PTPRQ: variants seen among roughly 807,000 people sequenced by gnomAD.
The protein encoded by PTPRQ is phosphatidylinositol phosphatase PTPRQ.
Under a neutral mutation model 246.0 loss-of-function variants are expected in PTPRQ, and 199 were observed. The observed-to-expected ratio is 0.81, with a 90% confidence interval of 0.72 to 0.91. The LOEUF is 0.91. Among genes scored for constraint, PTPRQ ranks in the 40% least tolerant of loss-of-function variants. The probability of loss-of-function intolerance (pLI) is 0.00; values close to 1 mark genes in which losing one functional copy is unlikely to be tolerated. For synonymous variants in PTPRQ, 869 were observed against 853.2 expected, an observed-to-expected ratio of 1.02 and a Z score of -0.32; for missense variants, 2,624 against 2,528.4, an observed-to-expected ratio of 1.04 and a Z score of -0.81.
intron 25 of PTPRQ, among the ~76,000 whole-genome samples, chr12:80,568,409 A>C (rs1897041559): frequency 6.6e-6 from 1 of 152,172 alleles, no homozygotes; most frequent in African/African-American, 2.4e-5. Flanking sequence ...AATATTGTCA[A>C]ATATCAGCAA....
In PTPRQ at chr12:80,669,473, A is replaced by G. The variant is rs1365946684; in HGVS notation, c.6453+9A>G. On this transcript the variant is annotated intron_variant, in intron 41 of 44. Coordinates refer to ENST00000644991, the MANE Select transcript of PTPRQ (RefSeq NM_001145026.2). The stretch of plus-strand genomic sequence containing the variant: ...ATCTGAAAATTGAAAGGGTAAAAAA[A>G]AAAGGGGGGGACGAGAGAACATGAT... 16 of 1,537,564 alleles carry G rather than the reference A, an allele frequency of 1.0e-5. No homozygotes were observed. Among genetic ancestry groups the G allele is most frequent in the Admixed American group, 4.2e-5 (2 of 47,948 alleles).
chr12:80,541,485 T>C, intron 20 of PTPRQ, 70 bp from the exon 21 acceptor site: 1 of 1,261,742 alleles, frequency 7.9e-7, no homozygotes, highest in Non-Finnish European at 1.0e-6. Flanking sequence ...ACAATTATAC[T>C]CAGTTTGTGA....
At chr12:80,597,564 A>G (rs576073945) in intron 26 of PTPRQ, among the ~76,000 whole-genome samples, 15 of 152,082 alleles carry the variant, frequency 9.9e-5, no homozygotes, top group African/African-American at 3.6e-4. Flanking sequence ...CTTTACATCT[A>G]CTTCCCTAGT....
Position 80,542,380 on chromosome 12 carries a change from CATTTCTTCAAACA to C in PTPRQ, c.3721+22_3721+34del. 1 of 1,518,562 alleles carries C rather than the reference CATTTCTTCAAACA, an allele frequency of 6.6e-7. No individual in the cohort carries two copies. Among genetic ancestry groups the C allele is most frequent in the Non-Finnish European group, 8.8e-7 (1 of 1,139,136 alleles). 94.1% of individuals were successfully genotyped at this position (1,518,562 alleles called of 1,614,324 possible). On this transcript the variant is annotated intron_variant, in intron 22 of 44. Coordinates refer to ENST00000644991, the MANE Select transcript of PTPRQ (RefSeq NM_001145026.2). ...GATGAGTCAGGTAAGCCAGAATCCA[CATTTCTTCAAACA>C]ATTTCACTGTTGCAGCGCCTGCTCT...
chr12:80,622,029 A>C, intron 32 of PTPRQ, 32 bp from the exon 33 acceptor site: 1 of 1,265,256 alleles, frequency 7.9e-7, no homozygotes, highest in Non-Finnish European at 1.1e-6. Flanking sequence ...CATGATATGC[A>C]AAGTGTTGAT....
chr12:80,655,357 A>T (rs1393232584), intron 38 of PTPRQ, among the ~76,000 whole-genome samples: 1 of 152,200 alleles, frequency 6.6e-6, no homozygotes, highest in Non-Finnish European at 1.5e-5. Context: ...GTATTGGAAC[A>T]CAGGAAACAT....
In PTPRQ at chr12:80,619,302, A is replaced by G. The variant is rs1898885218; in HGVS notation, c.5231-82A>G. The stretch of plus-strand genomic sequence containing the variant: ...TTGTCATCACTTTATCTGTAAATTA[A>G]CTGCATGAAAGGAGAAAGATTTTTT... On this transcript the variant is annotated intron_variant, in intron 30 of 44. Transcript: ENST00000644991. 2.1e-6 allele frequency: 3 copies of G among 1,433,134 alleles called. No individual in the cohort carries two copies. The Admixed American group carries it at 6.8e-5, about 32-fold the overall frequency. The allele number at this position is 1,433,134 out of a possible 1,614,324, so 88.8% of individuals were successfully genotyped here.
intron 6 of PTPRQ, among the ~76,000 whole-genome samples, chr12:80,463,587 G>A (rs6539516): frequency 0.096 from 14,631 of 151,908 alleles, 1,499 homozygotes; most frequent in African/African-American, 0.25. Context: ...AAGTTGAAAT[G>A]AAGGAAAAAA....
At chr12:80,499,064 A>C (rs1198085976) in intron 14 of PTPRQ, among the ~76,000 whole-genome samples, 1 of 151,998 alleles carries the variant, frequency 6.6e-6, no homozygotes, top group Non-Finnish European at 1.5e-5. Context: ...TTAGGTGAGA[A>C]GACCTAGGAC....
At chr12:80,462,169 C>G (rs1278530978) in intron 6 of PTPRQ, 1 of 190,816 alleles carries the variant, frequency 5.2e-6, no homozygotes, top group East Asian at 9.7e-5. Flanking sequence ...CCGAATACTG[C>G]GCTTTTCCGA....
chr12:80,470,191 G>A (rs1232864807), intron 7 of PTPRQ, among the ~76,000 whole-genome samples: 2 of 152,190 alleles, frequency 1.3e-5, no homozygotes, highest in Non-Finnish European at 2.9e-5. Flanking sequence ...TGTCTGTGTG[G>A]GCAGAAGGTG....
In PTPRQ at chr12:80,619,279, G is replaced by A. The variant is rs1032241259; in HGVS notation, c.5231-105G>A. On this transcript the variant is annotated intron_variant, in intron 30 of 44. Transcript: ENST00000644991. ...TCTCTATAATTTGTTATTTATGTTT[G>A]TCATCACTTTATCTGTAAATTAACT... 4.6e-5 allele frequency: 59 copies of A among 1,282,586 alleles called. No individual in the cohort carries two copies. In the Middle Eastern group the frequency reaches 5.8e-4, roughly 13 times the overall value. The allele number at this position is 1,282,586 out of a possible 1,614,324, so 79.5% of individuals were successfully genotyped here.
At chr12:80,602,445 G>T (rs1375983473) in intron 26 of PTPRQ, among the ~76,000 whole-genome samples, 1 of 151,716 alleles carries the variant, frequency 6.6e-6, no homozygotes, top group Non-Finnish European at 1.5e-5. Context: ...TGTAAGAATA[G>T]ACATTTGTTT....
At position 80,534,005 on chromosome 12, in the gene PTPRQ, T is replaced by C; in HGVS notation, c.2679-10T>C. 3 of 1,458,918 alleles carry C rather than the reference T, an allele frequency of 2.1e-6. No individual in the cohort carries two copies. The South Asian group carries it at 4.5e-5, about 22-fold the overall frequency. The allele number at this position is 1,458,918 out of a possible 1,614,324, so 90.4% of individuals were successfully genotyped here. On this transcript the variant is annotated splice_polypyrimidine_tract_variant and intron_variant, in intron 17 of 44. Transcript: ENST00000644991. ...ATTCAATTCTACAGATAATATTCTT[T>C]TTATCTCAGGAATAGATCATCATTA...
At chr12:80,651,490 C>A (rs370509921) in intron 37 of PTPRQ, among the ~76,000 whole-genome samples, 3 of 151,954 alleles carry the variant, frequency 2.0e-5, no homozygotes, top group Non-Finnish European at 4.4e-5. Context: ...AATGCAAAAA[C>A]GGTCTAACTC....
chr12:80,650,612 A>G (rs1184128107), intron 37 of PTPRQ, among the ~76,000 whole-genome samples: 3 of 152,058 alleles, frequency 2.0e-5, no homozygotes, highest in African/African-American at 7.2e-5. Context: ...AAATGAGAGA[A>G]GATTAATGGT....
At chr12:80,475,892 G>C (rs1893794778) in intron 8 of PTPRQ, among the ~76,000 whole-genome samples, 1 of 152,040 alleles carries the variant, frequency 6.6e-6, no homozygotes. Flanking sequence ...AGCAAAATAA[G>C]AGACAGTAAA....
chr12:80,530,026 TAC>T (rs1895797596), intron 17 of PTPRQ, among the ~76,000 whole-genome samples: 3 of 152,146 alleles, frequency 2.0e-5, no homozygotes, highest in African/African-American at 2.4e-5. Context: ...CCTCACTTTG[TAC>T]ACAGTTTATG....
chr12:80,520,310 G>GT (rs1565760339), intron 17 of PTPRQ, among the ~76,000 whole-genome samples: 2 of 151,882 alleles, frequency 1.3e-5, no homozygotes, highest in Admixed American at 6.6e-5. Flanking sequence ...AGACCTGATG[G>GT]CTTTTTTATT....
Sources: gnomAD v4.1 joint callset for allele counts (sites outside exome capture counted in the v4.1 genomes callset) on GRCh38, gnomAD v4.1.1 for gene constraint, MANE v1.5 for transcripts, NCBI Gene and HGNC (gene_info 2026-07-23, HGNC 2026-07-21) for gene names.